Variants in DSCAML1 observed in about 807,000 individuals in gnomAD.
DSCAML1 encodes the protein DS cell adhesion molecule like 1.
A neutral mutation model predicts 200.5 loss-of-function variants in DSCAML1; 38 were observed. The ratio of observed to expected loss-of-function variants is 0.19; its 90% CI spans 0.15 to 0.25. DSCAML1 has a LOEUF of 0.25. Among genes scored for constraint, DSCAML1 ranks in the 10% least tolerant of loss-of-function variants. DSCAML1 has a pLI of 1.00. For synonymous variants in DSCAML1, 1,215 were observed against 1,165.0 expected, an observed-to-expected ratio of 1.04 and a Z score of -0.87; for missense variants, 2,223 against 2,858.8, an observed-to-expected ratio of 0.78 and a Z score of 5.07.
At position 117,497,768 on chromosome 11, in the gene DSCAML1, A is replaced by G. The variant is rs572679392; in HGVS notation, c.2359+6077T>C. ...GCAGGTGAGGCCGACTATGATCATTACCTGGCTGGAGAGAGCAGGTGATGG... is the reference window on the plus strand; with the variant it reads ...GCAGGTGAGGCCGACTATGATCATTGCCTGGCTGGAGAGAGCAGGTGATGG... On this transcript the variant is annotated intron_variant, in intron 11 of 32. Transcript: ENST00000651296. Among the ~76,000 whole-genome samples, 7 of 152,326 alleles carry G rather than the reference A, an allele frequency of 4.6e-5. No individual in the cohort carries two copies. The South Asian group carries it at 1.4e-3, about 32-fold the overall frequency.
chr11:117,551,886 G>T (rs1345003903), intron 3 of DSCAML1, among the ~76,000 whole-genome samples: 1 of 152,180 alleles, frequency 6.6e-6, no homozygotes, highest in Non-Finnish European at 1.5e-5. Context: ...GATACCAGCA[G>T]AAAATTACAG....
chr11:117,442,249 T>C (rs2048075175), intron 21 of DSCAML1, among the ~76,000 whole-genome samples: 1 of 150,500 alleles, frequency 6.6e-6, no homozygotes, highest in Non-Finnish European at 1.5e-5. Context: ...TGTATGCATG[T>C]GCATATGTGT....
rs545747777 is a variant in DSCAML1, at chr11:117,500,712, G to A, written c.2359+3133C>T. On this transcript the variant is annotated intron_variant, in intron 11 of 32. Coordinates refer to ENST00000651296, the MANE Select transcript of DSCAML1 (RefSeq NM_020693.4). ...GGGAGCACCATTAAGTGAGTGCTGA[G>A]TTATCACTGGAAGCTGCAGGGATCA... Among the ~76,000 whole-genome samples the A allele has an allele frequency of 2.0e-3, 300 of 152,332 alleles. 6 individuals are homozygous for A. The highest frequency in any genetic ancestry group is 3.4e-3 in the Middle Eastern group (1 of 294).
chr11:117,647,225 A>C (rs1341010799), intron 3 of DSCAML1, among the ~76,000 whole-genome samples: 5 of 152,232 alleles, frequency 3.3e-5, no homozygotes, highest in African/African-American at 7.2e-5. Flanking sequence ...AAGAAGGTGC[A>C]TGGAGCCCTT....
At chr11:117,602,925 C>T (rs550509178) in intron 3 of DSCAML1, among the ~76,000 whole-genome samples, 26 of 151,838 alleles carry the variant, frequency 1.7e-4, no homozygotes, top group African/African-American at 5.3e-4. Context: ...ATGGCGAAAC[C>T]CCGTCTCTAC....
chr11:117,474,535 C>A (rs979191970), intron 14 of DSCAML1, among the ~76,000 whole-genome samples: 2 of 152,132 alleles, frequency 1.3e-5, no homozygotes, highest in Non-Finnish European at 2.9e-5. Flanking sequence ...GACTCCAGAC[C>A]TTATAGCCAA....
chr11:117,512,307 C>T (rs1011192601), intron 8 of DSCAML1, among the ~76,000 whole-genome samples: 2 of 152,102 alleles, frequency 1.3e-5, no homozygotes, highest in African/African-American at 2.4e-5. Context: ...CAAGTCAGGG[C>T]CCCCGCCATG....
At chr11:117,809,566 A>G (rs772306252) in intron 1 of DSCAML1, among the ~76,000 whole-genome samples, 3 of 152,128 alleles carry the variant, frequency 2.0e-5, no homozygotes, top group Non-Finnish European at 4.4e-5. Flanking sequence ...ATTCTCCACT[A>G]CACAGGTCCT....
rs530260179 is a variant in DSCAML1 at position 117,717,464 on chromosome 11, AG to A, written c.511+59326del. 3.2e-3 allele frequency among the ~76,000 whole-genome samples: 486 copies of A among 152,328 alleles called. 3 individuals carry two copies. The highest frequency in any genetic ancestry group is 9.7e-3 in the African/African-American group (405 of 41,572). ...AGGGACAACAAATTGGTTTCATCTC[AG>A]GCAGGTTCCAACTGACTGGCGGTGG... On this transcript the variant is annotated intron_variant, in intron 3 of 32. Coordinates refer to ENST00000651296, the MANE Select transcript of DSCAML1 (RefSeq NM_020693.4).
At chr11:117,659,246 C>G (rs1368255635) in intron 3 of DSCAML1, among the ~76,000 whole-genome samples, 1 of 152,194 alleles carries the variant, frequency 6.6e-6, no homozygotes, top group East Asian at 1.9e-4. Flanking sequence ...AGAAGAAGCT[C>G]CCTGGCTGTG....
intron 3 of DSCAML1, among the ~76,000 whole-genome samples, chr11:117,715,755 A>G (rs1264473426): frequency 6.6e-6 from 1 of 152,158 alleles, no homozygotes; most frequent in Non-Finnish European, 1.5e-5. Flanking sequence ...CTCTTCACAC[A>G]GCAGGGGCAG....
intron 19 of DSCAML1, among the ~76,000 whole-genome samples, chr11:117,452,359 A>T (rs2048299202): frequency 6.6e-6 from 1 of 152,214 alleles, no homozygotes; most frequent in Non-Finnish European, 1.5e-5. Context: ...TATCAGAACA[A>T]AGGGTTCCTC....
chr11:117,471,812 C>G (rs1283790757), intron 15 of DSCAML1, 57 bp downstream of exon 15: 16 of 1,283,350 alleles, frequency 1.2e-5, no homozygotes, highest in Non-Finnish European at 1.6e-5. Context: ...CGCTGTAGGC[C>G]CCTGGTGGTC....
At chr11:117,688,762 T>C (rs1249382641) in intron 3 of DSCAML1, among the ~76,000 whole-genome samples, 3 of 152,182 alleles carry the variant, frequency 2.0e-5, no homozygotes, top group Admixed American at 6.5e-5. Context: ...GAATGTACAA[T>C]CTAATCACCA....
rs1318351861 is a variant in DSCAML1, at chr11:117,524,874, C to T, written c.868G>A (p.Gly290Ser). 6.2e-7 allele frequency: 1 copy of T among 1,606,772 alleles called. No individual in the cohort carries two copies. The highest frequency in any genetic ancestry group is 8.5e-7 in the Non-Finnish European group (1 of 1,176,782). The change falls in exon 5 of 33, where the codon GGC becomes AGC. Residue 290 changes from glycine to serine, a missense_variant. Coordinates refer to ENST00000651296, the MANE Select transcript of DSCAML1 (RefSeq NM_020693.4). ...TISDLRTEDS[G>S]TYICEVTNTF... is the part of the protein sequence containing the mutation. ...TTGGTGACCTCACAAATGTAGGTGC[C>T]GCTGTCCTCGGTCCGCAAGTCGCTG...
intron 3 of DSCAML1, among the ~76,000 whole-genome samples, chr11:117,559,385 C>T (rs2050620156): frequency 6.6e-6 from 1 of 152,188 alleles, no homozygotes; most frequent in South Asian, 2.1e-4. Flanking sequence ...ACTTTCGTAA[C>T]CAACTGCAAA....
chr11:117,497,667 G>A (rs1017930200), intron 11 of DSCAML1, among the ~76,000 whole-genome samples: 1 of 152,250 alleles, frequency 6.6e-6, no homozygotes, highest in African/African-American at 2.4e-5. Flanking sequence ...GTGGGCACTG[G>A]GCCCCAGGTT....
At chr11:117,631,484 G>A (rs1436411487) in intron 3 of DSCAML1, among the ~76,000 whole-genome samples, 1 of 152,186 alleles carries the variant, frequency 6.6e-6, no homozygotes, top group East Asian at 1.9e-4. Context: ...CCCCTCCATG[G>A]GATCCTAGAA....
At chr11:117,568,235 C>T (rs1170567264) in intron 3 of DSCAML1, among the ~76,000 whole-genome samples, 1 of 152,074 alleles carries the variant, frequency 6.6e-6, no homozygotes, top group Non-Finnish European at 1.5e-5. Context: ...AAAATAATAA[C>T]AGCTATCTAT....
Sources: gnomAD v4.1 joint callset for allele counts (sites outside exome capture counted in the v4.1 genomes callset) on GRCh38, gnomAD v4.1.1 for gene constraint, MANE v1.5 for transcripts, NCBI Gene and HGNC (gene_info 2026-07-23, HGNC 2026-07-21) for gene names.